The following SLC43A2 variants were observed in gnomAD, a reference collection of about 807,000 sequenced individuals.
SLC43A2 encodes the protein solute carrier family 43 member 2.
SLC43A2 carries 38 observed loss-of-function variants against 63.2 expected under a neutral mutation model. The observed-to-expected ratio is 0.60, with a 90% CI of 0.46 to 0.79. The LOEUF is 0.79. Among genes scored for constraint, SLC43A2 ranks in the 30% least tolerant of loss-of-function variants. The pLI is 0.00. For missense variants in SLC43A2, 644 were observed against 756.2 expected, an observed-to-expected ratio of 0.85 and a Z score of 1.74; for synonymous variants, 322 against 331.0, an observed-to-expected ratio of 0.97 and a Z score of 0.30.
At chr17:1,594,068 G>A (rs1026443830) in intron 5 of SLC43A2, among the ~76,000 whole-genome samples, 2 of 152,016 alleles carry the variant, frequency 1.3e-5, no homozygotes, top group Non-Finnish European at 2.9e-5. Context: ...CAAGTGATCC[G>A]CCCGCCTCGG....
At chr17:1,589,255 G>A (rs960021745) in intron 9 of SLC43A2, among the ~76,000 whole-genome samples, 10 of 152,186 alleles carry the variant, frequency 6.6e-5, no homozygotes, top group African/African-American at 2.4e-4. Context: ...TGAGCCTTTC[G>A]AGGGCCAGGG....
At chr17:1,624,870 T>C (rs1453674465) in intron 2 of SLC43A2, among the ~76,000 whole-genome samples, 1 of 152,100 alleles carries the variant, frequency 6.6e-6, no homozygotes, top group African/African-American at 2.4e-5. Flanking sequence ...CATTCCAGAC[T>C]GGGCAACAGA....
chr17:1,582,762 C>T (rs1244596552), intron 11 of SLC43A2, among the ~76,000 whole-genome samples: 1 of 152,084 alleles, frequency 6.6e-6, no homozygotes, highest in Non-Finnish European at 1.5e-5. Flanking sequence ...GTGGGCTGCT[C>T]GGTTGAGTGG....
chr17:1,622,504 G>T (rs1908257237), intron 2 of SLC43A2, among the ~76,000 whole-genome samples: 1 of 151,768 alleles, frequency 6.6e-6, no homozygotes, highest in Non-Finnish European at 1.5e-5. Context: ...GGCGGAGGTT[G>T]CGGTGAGCCG....
chr17:1,578,309 G>T lies in SLC43A2; in HGVS notation c.1365C>A (p.Ile455=). The T allele has an allele frequency of 6.2e-7, 1 of 1,613,944 alleles. No homozygotes were observed. The highest frequency in any genetic ancestry group is 8.5e-7 in the Non-Finnish European group (1 of 1,179,976). Residue 455 remains isoleucine, a synonymous_variant, in exon 12 of 14, where the codon ATC becomes ATA. Transcript: ENST00000301335. The surrounding 1 kb of genome is among the most constrained non-coding windows in gnomAD (Gnocchi z 6.5). ...TGAATCCTCGCACGATTGTGTGCAG[G>T]ATGAAGGAGAGGATCTGGGGGAGGA... ...PNLPLQILSF[I]LHTIVRGFIH... is the part of the protein sequence containing the mutation.
chr17:1,587,270 G>A (rs1567617448), intron 9 of SLC43A2, among the ~76,000 whole-genome samples: 1 of 152,200 alleles, frequency 6.6e-6, no homozygotes, highest in African/African-American at 2.4e-5. Flanking sequence ...TGACGTTGGC[G>A]GGTAGCGTGA....
intron 5 of SLC43A2, among the ~76,000 whole-genome samples, chr17:1,612,412 G>T (rs1040064595): frequency 1.3e-5 from 2 of 152,136 alleles, no homozygotes; most frequent in Non-Finnish European, 2.9e-5. Flanking sequence ...GTCTGTGCCC[G>T]GGCACGGAGG....
intron 4 of SLC43A2, among the ~76,000 whole-genome samples, chr17:1,613,654 C>G (rs1907330057): frequency 6.6e-6 from 1 of 152,148 alleles, no homozygotes; most frequent in African/African-American, 2.4e-5. Context: ...CCAGGCTGGT[C>G]TCGAACTCCT....
At chr17:1,609,286 C>T (rs777280729) in intron 5 of SLC43A2, among the ~76,000 whole-genome samples, 4 of 152,154 alleles carry the variant, frequency 2.6e-5, no homozygotes, top group Non-Finnish European at 5.9e-5. Flanking sequence ...GCTGCAACCT[C>T]TGCCTCCCGG....
chr17:1,590,737 C>A, intron 9 of SLC43A2, 65 bp downstream of exon 9: 3 of 1,539,650 alleles, frequency 1.9e-6, no homozygotes, highest in East Asian at 2.4e-5. Context: ...ACATTCTGGC[C>A]GGTGGCCAGT....
At position 1,571,016 on chromosome 17, in the gene SLC43A2, G is replaced by C. The variant is rs2075840320; in HGVS notation, c.*4588C>G. 1 of 152,510 alleles carries C rather than the reference G, an allele frequency of 6.6e-6. No individual in the cohort carries two copies. Among genetic ancestry groups the C allele is most frequent in the Non-Finnish European group, 1.5e-5 (1 of 68,280 alleles). The allele number at this position is 152,510 out of a possible 1,614,324, so 9.4% of individuals were successfully genotyped here. ...TGAGAAGGGTCGAGGTCTGGGTGCT[G>C]CTAGTGGCCCTGGCTCAGTCTCAGA... On this transcript the variant is annotated 3_prime_UTR_variant, in exon 14 of 14. Transcript: ENST00000301335. This position sits in a 1 kb window ranked among gnomAD's most constrained non-coding sequence, Gnocchi z 5.2.
In SLC43A2 at chr17:1,583,427, T is replaced by C. The variant is rs1451610866; in HGVS notation, c.1218-91A>G. 5.1e-6 allele frequency: 8 copies of C among 1,571,546 alleles called. No individual in the cohort carries two copies. The highest frequency in any genetic ancestry group is 8.6e-7 in the Non-Finnish European group (1 of 1,158,096). ...GTCAGGCCTCAAGCGTCGCAGCAGG[T>C]AAACTGACGCAAGACTCAGAAGCCA... On this transcript the variant is annotated intron_variant, in intron 10 of 13. Coordinates refer to ENST00000301335, the MANE Select transcript of SLC43A2 (RefSeq NM_152346.3). This position sits in a 1 kb window ranked among gnomAD's most constrained non-coding sequence, Gnocchi z 5.5.
chr17:1,600,135 AATAT>A (rs546467041), intron 5 of SLC43A2, among the ~76,000 whole-genome samples: 15 of 47,948 alleles, frequency 3.1e-4, no homozygotes, highest in East Asian at 8.9e-4. Flanking sequence ...ATATTAATTG[AATAT>A]ATATATATAT....
At chr17:1,626,089 A>T (rs1908639217) in intron 2 of SLC43A2, among the ~76,000 whole-genome samples, 1 of 150,966 alleles carries the variant, frequency 6.6e-6, no homozygotes. Context: ...AAAAAAACAC[A>T]CAAAAAAACA....
intron 11 of SLC43A2, among the ~76,000 whole-genome samples, chr17:1,580,474 C>T (rs531654569): frequency 1.3e-5 from 2 of 152,324 alleles, no homozygotes; most frequent in African/African-American, 2.4e-5. Flanking sequence ...CCTGGTCACC[C>T]GGCCCTCCCA....
chr17:1,586,928 T>TTG, intron 9 of SLC43A2: 26 of 1,232,868 alleles, frequency 2.1e-5, no homozygotes, highest in Non-Finnish European at 2.6e-5. Flanking sequence ...TCCCTGACAA[T>TTG]CCCCCCCACC....
intron 11 of SLC43A2, among the ~76,000 whole-genome samples, chr17:1,581,460 C>T (rs375888854): frequency 8.7e-4 from 132 of 152,336 alleles, no homozygotes; most frequent in Middle Eastern, 6.8e-3. Context: ...CGGCCCGCTG[C>T]GCTCTGCACG....
Position 1,606,365 on chromosome 17 carries a change from C to T in SLC43A2, c.501+6830G>A, listed in dbSNP as rs1035880347. ...AGATCCCACCTCCCATGAAATCATGCCTTCCTCAGGTTTAAAGTCAGACTT... is the reference window on the plus strand; with the variant it reads ...AGATCCCACCTCCCATGAAATCATGTCTTCCTCAGGTTTAAAGTCAGACTT... On this transcript the variant is annotated intron_variant, in intron 5 of 13. Transcript: ENST00000301335. This position sits in a 1 kb window ranked among gnomAD's most constrained non-coding sequence, Gnocchi z 4.7. Among the ~76,000 whole-genome samples the T allele has an allele frequency of 6.6e-6, 1 of 152,198 alleles. No homozygotes were observed. Among genetic ancestry groups the T allele is most frequent in the Non-Finnish European group, 1.5e-5 (1 of 68,032 alleles).
chr17:1,617,315 C>T (rs1022537215), intron 2 of SLC43A2, among the ~76,000 whole-genome samples: 2 of 152,200 alleles, frequency 1.3e-5, no homozygotes, highest in East Asian at 3.8e-4. Context: ...GGGGAGACTG[C>T]GGCGCCTCCT....
Sources: allele counts gnomAD v4.1 joint callset (sites outside exome capture counted in the v4.1 genomes callset), GRCh38; gene constraint gnomAD v4.1.1; non-coding constraint Gnocchi (gnomAD v3.1); transcripts MANE v1.5; gene names NCBI Gene and HGNC (gene_info 2026-07-23, HGNC 2026-07-21).